ZNF433: variants seen among roughly 807,000 people sequenced by gnomAD.
ZNF433 encodes the protein zinc finger protein 433.
A neutral mutation model predicts 10.6 loss-of-function variants in ZNF433; 12 were observed. That is an observed-to-expected ratio of 1.13 (90% confidence interval 0.72 to 1.83). The LOEUF (loss-of-function observed/expected upper bound fraction) is 1.83, where lower values mean the gene tolerates loss of function less well. Among genes scored for constraint, ZNF433 ranks in the 40% most tolerant of loss-of-function variants. ZNF433 has a pLI of 0.00. For missense variants in ZNF433, 737 were observed against 798.0 expected, an observed-to-expected ratio of 0.92 and a Z score of 0.92; for synonymous variants, 272 against 271.3, an observed-to-expected ratio of 1.00 and a Z score of -0.02.
intron 1 of ZNF433, chr19:12,034,857 C>T: frequency 2.2e-6 from 1 of 454,220 alleles, no homozygotes; most frequent in South Asian, 1.6e-5. Flanking sequence ...CATGATTCTC[C>T]CTGCAATTCC....
chr19:12,015,935 T>C lies in ZNF433; in HGVS notation c.923A>G (p.Glu308Gly), dbSNP rs1308078282. ...ERTHTGEKPY[E>G]CKECGKAFKC... ...GAATGCTTTTCCACATTCCTTACAT[T>C]CATATGGCTTCTCCCCCGTGTGAGT... The change falls in exon 4 of 4, where the codon GAA becomes GGA. Residue 308 changes from glutamate (E) to glycine (G), a missense_variant. By Grantham distance (98) the Glu-to-Gly change is moderately conservative (BLOSUM62 -2). Transcript: ENST00000550507. The C allele has an allele frequency of 6.2e-7, 1 of 1,613,370 alleles. No individual in the cohort carries two copies. The highest frequency in any genetic ancestry group is 2.2e-5 in the East Asian group (1 of 44,796).
intron 1 of ZNF433, chr19:12,026,555 T>G (rs529844072): frequency 2.1e-4 from 76 of 365,814 alleles, no homozygotes; most frequent in African/African-American, 1.4e-3. Context: ...CAATAATGCC[T>G]GGATGTGATC....
chr19:12,035,439 G>T, intron 1 of ZNF433, 98 bp downstream of exon 1: 1 of 1,509,212 alleles, frequency 6.6e-7, no homozygotes, highest in Non-Finnish European at 9.0e-7. Flanking sequence ...CCCAGACCCC[G>T]GAGTCGCCGC....
At chr19:12,029,817 C>G (rs1461353859) in intron 1 of ZNF433, among the ~76,000 whole-genome samples, 1 of 151,776 alleles carries the variant, frequency 6.6e-6, no homozygotes, top group Non-Finnish European at 1.5e-5. Context: ...CGCGGTGGCT[C>G]ACACATGTAA....
chr19:12,031,851 A>C (rs1432490938), intron 1 of ZNF433, among the ~76,000 whole-genome samples: 9 of 137,872 alleles, frequency 6.5e-5, no homozygotes, highest in East Asian at 6.4e-4. Context: ...ACACCAGTAC[A>C]CTCCAGCCTG....
chr19:12,022,210 T>C (rs893278875), intron 1 of ZNF433: 14 of 351,844 alleles, frequency 4.0e-5, no homozygotes, highest in Non-Finnish European at 7.1e-5. Context: ...AACAATAGCG[T>C]AAGTGATCTC....
In ZNF433 at chr19:12,028,570, G is replaced by T. The variant is rs1599371670; in HGVS notation, c.3+6967C>A. ...TTTTAGTTTCTAGAGTGGAAACTCTGTGCAGAAATAACTATCAGTGCACAT... is the reference window on the plus strand; with the variant it reads ...TTTTAGTTTCTAGAGTGGAAACTCTTTGCAGAAATAACTATCAGTGCACAT... On this transcript the variant is annotated intron_variant, in intron 1 of 3. Coordinates refer to ENST00000550507, the MANE Select transcript of ZNF433 (RefSeq NM_001308348.2). Among the ~76,000 whole-genome samples the T allele has an allele frequency of 2.0e-5, 3 of 152,312 alleles. No homozygotes were observed. In the East Asian group the frequency reaches 5.8e-4, roughly 29 times the overall value.
At chr19:12,022,232 C>T (rs1355443500) in intron 1 of ZNF433, 3 of 325,252 alleles carry the variant, frequency 9.2e-6, no homozygotes, top group African/African-American at 2.1e-5. Context: ...GCCTTAAGGA[C>T]GTGTTCCTGC....
At chr19:12,035,287 G>A (rs1975234415) in intron 1 of ZNF433, among the ~76,000 whole-genome samples, 1 of 152,186 alleles carries the variant, frequency 6.6e-6, no homozygotes, top group African/African-American at 2.4e-5. Flanking sequence ...AGCGGGCGCG[G>A]AGCTGCCCAG....
intron 1 of ZNF433, chr19:12,026,694 A>T: frequency 2.2e-6 from 1 of 454,124 alleles, no homozygotes; most frequent in South Asian, 1.6e-5. Context: ...GAAAAAATGA[A>T]CGTACTTGTT....
At chr19:12,016,833 T>C (rs1228552964) in intron 3 of ZNF433, among the ~76,000 whole-genome samples, 167 bp from the exon 4 acceptor site, 1 of 152,134 alleles carries the variant, frequency 6.6e-6, no homozygotes, top group Non-Finnish European at 1.5e-5. Context: ...AACTTCCACC[T>C]CCTGAGTTCA....
Position 12,035,614 on chromosome 19 carries a change from T to A in ZNF433, c.-75A>T. ...CGACAGAAGCTATGGCAGAGGCACC[T>A]GAACCCTCTCGGAGGGGAAAGCCAG... On this transcript the variant is annotated 5_prime_UTR_variant, in exon 1 of 4. Transcript: ENST00000550507. 1 of 1,539,020 alleles carries A rather than the reference T, an allele frequency of 6.5e-7. No individual in the cohort carries two copies.
At chr19:12,031,921 T>G (rs555977033) in intron 1 of ZNF433, among the ~76,000 whole-genome samples, 45 of 119,894 alleles carry the variant, frequency 3.8e-4, no homozygotes, top group African/African-American at 1.6e-3. Context: ...CAAAGAACTG[T>G]TTTTTTTTTT....
At chr19:12,020,319 G>C (rs1337114939) in intron 1 of ZNF433, among the ~76,000 whole-genome samples, 2 of 151,942 alleles carry the variant, frequency 1.3e-5, no homozygotes, top group Non-Finnish European at 2.9e-5. Context: ...TGACATTTCT[G>C]CAATACATAG....
intron 1 of ZNF433, among the ~76,000 whole-genome samples, chr19:12,028,665 ATTACAG>A (rs2145468033): frequency 6.6e-6 from 1 of 152,326 alleles, no homozygotes; most frequent in African/African-American, 2.4e-5. Flanking sequence ...ACAAATTTGT[ATTACAG>A]TTAATTTTCT....
chr19:12,032,008 G>A (rs913152089), intron 1 of ZNF433, among the ~76,000 whole-genome samples: 5 of 145,142 alleles, frequency 3.4e-5, no homozygotes, highest in Non-Finnish European at 3.0e-5. Flanking sequence ...GCGCAATCTC[G>A]GCTCACCGCA....
At chr19:12,034,963 C>G (rs1439994511) in intron 1 of ZNF433, 2 of 444,358 alleles carry the variant, frequency 4.5e-6, no homozygotes, top group Non-Finnish European at 9.0e-6. Flanking sequence ...GAGGCCTCTC[C>G]TATTCGGCTC....
At chr19:12,032,011 T>C (rs1379882885) in intron 1 of ZNF433, among the ~76,000 whole-genome samples, 1 of 149,604 alleles carries the variant, frequency 6.7e-6, no homozygotes, top group Non-Finnish European at 1.5e-5. Context: ...CAATCTCGGC[T>C]CACCGCAACC....
chr19:12,022,800 C>T (rs986232683), intron 1 of ZNF433, among the ~76,000 whole-genome samples: 5 of 152,168 alleles, frequency 3.3e-5, no homozygotes, highest in African/African-American at 1.2e-4. Flanking sequence ...AAGAGTCCAT[C>T]CCTACCCTTC....
Sources: allele counts gnomAD v4.1 joint callset (sites outside exome capture counted in the v4.1 genomes callset), GRCh38; gene constraint gnomAD v4.1.1; transcripts MANE v1.5; gene names NCBI Gene and HGNC (gene_info 2026-07-23, HGNC 2026-07-21).